FRY: variants seen among roughly 807,000 people sequenced by gnomAD.
FRY encodes protein furry homolog.
A neutral mutation model predicts 348.4 loss-of-function variants in FRY; 128 were observed. That is an observed-to-expected ratio of 0.37 (90% CI 0.32 to 0.43). The LOEUF (loss-of-function observed/expected upper bound fraction) is 0.43. Among genes scored for constraint, FRY ranks in the 20% least tolerant of loss-of-function variants. The pLI, the probability that FRY is intolerant of heterozygous loss-of-function variation, is 1.00. For missense variants in FRY, 2,736 were observed against 3,695.2 expected (o/e 0.74, Z 6.73); for synonymous variants, 1,370 against 1,374.7 (o/e 1.00, Z 0.08).
rs1228478953 is a variant in FRY at position 32,186,157 on chromosome 13, TA to T, written c.3320-97del. The T allele has an allele frequency of 3.3e-6, 3 of 919,938 alleles. No individual in the cohort carries two copies. In the Admixed American group the frequency reaches 5.6e-5, roughly 17 times the overall value. The allele number at this position is 919,938 out of a possible 1,614,324, so 57.0% of individuals were successfully genotyped here. A position where few individuals can be genotyped will look rare whatever the true frequency, so the allele number is the denominator to read the frequency against. ...TTCATTGCCTAAAGAAAACTGTAGT[TA>T]AAAAATGAAGTGGTTCCTTTCCTCA... On this transcript the variant is annotated intron_variant, in intron 26 of 60. Coordinates refer to ENST00000542859, the MANE Select transcript of FRY (RefSeq NM_023037.3).
chr13:32,046,177 G>T (rs979080621), intron 1 of FRY, among the ~76,000 whole-genome samples: 1 of 152,150 alleles, frequency 6.6e-6, no homozygotes. Context: ...TTCAGGCTCT[G>T]GGAAAAGGAT....
chr13:32,241,952 CTG>C (rs1886533716), intron 46 of FRY, among the ~76,000 whole-genome samples: 1 of 152,166 alleles, frequency 6.6e-6, no homozygotes, highest in Admixed American at 6.5e-5. Flanking sequence ...TTTTGTGTCA[CTG>C]TGGTATTCCC....
intron 8 of FRY, 29 bp downstream of exon 8, chr13:32,131,869 GCT>G: frequency 6.3e-7 from 1 of 1,582,070 alleles, no homozygotes; most frequent in Non-Finnish European, 8.7e-7. Context: ...GAGCTAAGGT[GCT>G]CTCAACTTGA....
At chr13:32,166,096 TG>T (rs34530818) in intron 17 of FRY, among the ~76,000 whole-genome samples, 38,468 of 152,118 alleles carry the variant, frequency 0.25, 5,119 homozygotes, top group Middle Eastern at 0.37. Flanking sequence ...TGATCCCAGC[TG>T]CCTGGGAGGG....
At chr13:32,168,230 G>T (rs1486201116) in intron 17 of FRY, among the ~76,000 whole-genome samples, 1 of 152,154 alleles carries the variant, frequency 6.6e-6, no homozygotes, top group East Asian at 1.9e-4. Context: ...AACACAGTCT[G>T]CTGTAGAACC....
rs657020 is a variant in FRY at position 32,122,967 on chromosome 13, G to T, written c.465-1319G>T. Among the ~76,000 whole-genome samples, 152 of 151,492 alleles carry T rather than the reference G, an allele frequency of 1.0e-3. 5 individuals are homozygous for T. In the South Asian group the frequency reaches 0.029, roughly 29 times the overall value. ...TGCAAAAAATAAAATAAAATACTTAGGAATATACCTAACCAAGGAGTCGAA... is the reference window on the plus strand; with the variant it reads ...TGCAAAAAATAAAATAAAATACTTATGAATATACCTAACCAAGGAGTCGAA... On this transcript the variant is annotated intron_variant, in intron 4 of 60. Transcript: ENST00000542859.
rs1447212964 is a variant in FRY, at chr13:32,158,961, A to G, written c.1784+1556A>G. Among the ~76,000 whole-genome samples, 510 of 150,398 alleles carry G rather than the reference A, an allele frequency of 3.4e-3. 4 individuals are homozygous for G. The highest frequency in any genetic ancestry group is 0.012 in the African/African-American group (488 of 41,128). ...ATATAGCTGTTTCCTCAAAAAAAAA[A>G]AAAAAAAAAAAAAAAGAGCTTTAAA... On this transcript the variant is annotated intron_variant, in intron 16 of 60. Transcript: ENST00000542859.
At chr13:32,042,887 T>C (rs900220993) in intron 1 of FRY, among the ~76,000 whole-genome samples, 2 of 152,192 alleles carry the variant, frequency 1.3e-5, no homozygotes, top group African/African-American at 4.8e-5. Flanking sequence ...AAGGGACTTA[T>C]ACCTGCCACC....
At chr13:32,273,747 G>T (rs138320851) in intron 55 of FRY, among the ~76,000 whole-genome samples, 136 of 152,232 alleles carry the variant, frequency 8.9e-4, no homozygotes, top group African/African-American at 3.1e-3. Flanking sequence ...AAAGAGTTAC[G>T]CCTTTTGACC....
chr13:32,083,965 T>C (rs1288365673), intron 2 of FRY, among the ~76,000 whole-genome samples: 1 of 152,212 alleles, frequency 6.6e-6, no homozygotes, highest in Non-Finnish European at 1.5e-5. Flanking sequence ...ATAGCTACTA[T>C]GCTACCTCAC....
At chr13:32,089,835 G>A (rs920915508) in intron 2 of FRY, among the ~76,000 whole-genome samples, 7 of 152,156 alleles carry the variant, frequency 4.6e-5, no homozygotes, top group African/African-American at 1.4e-4. Flanking sequence ...GGCAATTCAA[G>A]TGGAAAGAAG....
In FRY at chr13:32,117,446, G is replaced by A. The variant is rs572441691; in HGVS notation, c.437G>A (p.Arg146Lys). The part of the protein sequence containing the change: ...NGIEDESHEY[R>K]PRTSNKSKSD... Reference sequence around the variant, plus strand: ...ATTGAGGATGAATCACATGAATACAGACCAAGAACAAGCAATAAATCAAAA... The same window carrying A: ...ATTGAGGATGAATCACATGAATACAAACCAAGAACAAGCAATAAATCAAAA... Residue 146 changes from arginine (R) to lysine (K), a missense_variant, in exon 4 of 61, where the codon AGA (arginine) becomes AAA (lysine). Arg to Lys is a conservative substitution (Grantham distance 26). Coordinates refer to ENST00000542859, the MANE Select transcript of FRY (RefSeq NM_023037.3). The A allele has an allele frequency of 2.5e-6, 4 of 1,613,756 alleles. No homozygotes were observed. Among genetic ancestry groups the A allele is most frequent in the South Asian group, 2.2e-5 (2 of 91,042 alleles).
chr13:32,101,627 A>G (rs1159934852), intron 2 of FRY, among the ~76,000 whole-genome samples: 1 of 152,192 alleles, frequency 6.6e-6, no homozygotes, highest in South Asian at 2.1e-4. Context: ...GTTTGCCAAC[A>G]TTTATTATCT....
intron 13 of FRY, among the ~76,000 whole-genome samples, chr13:32,149,343 G>GA (rs1433360969): frequency 2.0e-5 from 3 of 151,630 alleles, no homozygotes; most frequent in African/African-American, 4.8e-5. Context: ...TTAGAGAATA[G>GA]AAAAAAATGA....
intron 1 of FRY, among the ~76,000 whole-genome samples, chr13:32,076,898 T>C (rs1875105345): frequency 6.6e-6 from 1 of 152,232 alleles, no homozygotes; most frequent in Non-Finnish European, 1.5e-5. Context: ...AGCAGTCTAT[T>C]GAGCCTTTCA....
At chr13:32,098,206 T>G (rs1328258403) in intron 2 of FRY, among the ~76,000 whole-genome samples, 1 of 152,052 alleles carries the variant, frequency 6.6e-6, no homozygotes, top group African/African-American at 2.4e-5. Flanking sequence ...GAATACTGTG[T>G]TTTTATGGGT....
intron 1 of FRY, among the ~76,000 whole-genome samples, chr13:32,041,829 A>T (rs74480663): frequency 0.017 from 2,623 of 152,328 alleles, 75 homozygotes; most frequent in African/African-American, 0.06. Context: ...GCCAGTGCTT[A>T]TCATTACAGG....
At chr13:32,065,285 C>T (rs532621423) in intron 1 of FRY, among the ~76,000 whole-genome samples, 4 of 152,102 alleles carry the variant, frequency 2.6e-5, no homozygotes, top group Non-Finnish European at 4.4e-5. Flanking sequence ...TTATTTGTAC[C>T]TTTATTCTTT....
chr13:32,224,361 T>C lies in FRY; in HGVS notation c.4892T>C (p.Ile1631Thr). The change falls in exon 37 of 61, where the codon ATC (isoleucine) becomes ACC (threonine). Residue 1631 changes from isoleucine (I) to threonine (T), a missense_variant. Physicochemically the swap from Ile to Thr is moderately conservative, Grantham distance 89. Coordinates refer to ENST00000542859, the MANE Select transcript of FRY (RefSeq NM_023037.3). ...APLVDYLPETITPRGPLHRCN... is the reference protein window; with the variant it reads ...APLVDYLPETTTPRGPLHRCN... ...CTGGTTGACTATCTCCCGGAGACCA[T>C]CACTCCCCGGGGGCCACTCCACAGG... 6.2e-7 allele frequency: 1 copy of C among 1,613,904 alleles called. No homozygotes were observed. Among genetic ancestry groups the C allele is most frequent in the Non-Finnish European group, 8.5e-7 (1 of 1,179,904 alleles).
Sources: allele counts gnomAD v4.1 joint callset (sites outside exome capture counted in the v4.1 genomes callset), GRCh38; gene constraint gnomAD v4.1.1; transcripts MANE v1.5; gene names NCBI Gene and HGNC (gene_info 2026-07-23, HGNC 2026-07-21).